TUSC3: variants seen among roughly 807,000 people sequenced by gnomAD.
TUSC3 encodes the protein tumor suppressor candidate 3.
In TUSC3, 45 loss-of-function variants were observed where a neutral mutation model predicts 44.8. The observed-to-expected ratio is 1.00, with a 90% confidence interval of 0.79 to 1.29. The LOEUF (loss-of-function observed/expected upper bound fraction) is 1.29. Among genes scored for constraint, TUSC3 ranks in the 50% most tolerant of loss-of-function variants. TUSC3 has a pLI of 0.00. For synonymous variants in TUSC3, 212 were observed against 152.9 expected (o/e 1.39, Z -2.85); for missense variants, 519 against 437.9 (o/e 1.19, Z -1.65).
intron 3 of TUSC3, among the ~76,000 whole-genome samples, chr8:15,657,852 T>C (rs537377403): frequency 1.3e-5 from 2 of 152,298 alleles, no homozygotes; most frequent in African/African-American, 2.4e-5. Flanking sequence ...TGAACAGATA[T>C]TTGTTTCCCA....
At chr8:15,621,449 C>G (rs1192893703) in intron 1 of TUSC3, among the ~76,000 whole-genome samples, 3 of 149,324 alleles carry the variant, frequency 2.0e-5, no homozygotes, top group Non-Finnish European at 4.4e-5. Context: ...GATAAGTTAT[C>G]ATTTTCAGTT....
chr8:15,428,432 G>T (rs1413508573), intron 1 of TUSC3, among the ~76,000 whole-genome samples: 1 of 151,488 alleles, frequency 6.6e-6, no homozygotes, highest in Non-Finnish European at 1.5e-5. Flanking sequence ...ATAAACATAC[G>T]TGTGCATGTG....
chr8:15,582,508 A>G (rs116385155), intron 1 of TUSC3, among the ~76,000 whole-genome samples: 2,851 of 152,348 alleles, frequency 0.019, 73 homozygotes, highest in African/African-American at 0.063. Context: ...ATTTATGTTT[A>G]TATTTTAAAT....
chr8:15,540,392 C>G lies in TUSC3; in HGVS notation c.-39C>G, dbSNP rs971267940. The G allele has an allele frequency of 6.6e-7, 1 of 1,520,372 alleles. No homozygotes were observed. The highest frequency in any genetic ancestry group is 8.8e-7 in the Non-Finnish European group (1 of 1,133,124). The allele number at this position is 1,520,372 out of a possible 1,614,324, so 94.2% of individuals were successfully genotyped here. On this transcript the variant is annotated 5_prime_UTR_variant, in exon 1 of 11. Transcript: ENST00000503731. ...TGGTGCGCGGTAGGAGCTGGGCGCG[C>G]ACGGCTACCGCGCGTGGAGGAGACA...
At chr8:15,618,778 C>G (rs552116664) in intron 1 of TUSC3, among the ~76,000 whole-genome samples, 1 of 152,316 alleles carries the variant, frequency 6.6e-6, no homozygotes, top group South Asian at 2.1e-4. Flanking sequence ...TTTCATATGT[C>G]TGGCAGCCAG....
At chr8:15,606,429 G>A (rs1804529709) in intron 1 of TUSC3, among the ~76,000 whole-genome samples, 1 of 151,930 alleles carries the variant, frequency 6.6e-6, no homozygotes, top group Admixed American at 6.6e-5. Flanking sequence ...CAATTTTTGG[G>A]GAGTGAACAC....
chr8:15,729,397 A>C (rs562374011), intron 6 of TUSC3, among the ~76,000 whole-genome samples: 1 of 152,166 alleles, frequency 6.6e-6, no homozygotes, highest in Non-Finnish European at 1.5e-5. Context: ...AATCTTGAAC[A>C]AGTTAGGTAA....
intron 1 of TUSC3, among the ~76,000 whole-genome samples, chr8:15,573,198 C>CTATATATATA (rs1260702049): frequency 1.7e-4 from 17 of 101,522 alleles, no homozygotes; most frequent in South Asian, 3.4e-4. Context: ...CTCTCTCTCT[C>CTATATATATA]TCTCTATATA....
chr8:15,668,751 C>T (rs1303162244), intron 5 of TUSC3, among the ~76,000 whole-genome samples: 2 of 151,730 alleles, frequency 1.3e-5, no homozygotes, highest in Admixed American at 6.6e-5. Flanking sequence ...TTTATTCTTA[C>T]TCTTTTCAGG....
At chr8:15,528,547 A>G (rs1401407269) in intron 2 of TUSC3, among the ~76,000 whole-genome samples, 1 of 152,198 alleles carries the variant, frequency 6.6e-6, no homozygotes, top group Non-Finnish European at 1.5e-5. Context: ...ATATCTGTCC[A>G]AGTTCACACA....
intron 5 of TUSC3, among the ~76,000 whole-genome samples, chr8:15,671,275 A>C (rs917189361): frequency 2.0e-5 from 3 of 152,004 alleles, no homozygotes; most frequent in African/African-American, 4.8e-5. Flanking sequence ...TGTGAAAATT[A>C]ATCTAGCTGT....
chr8:15,602,552 A>C (rs1172792925), intron 1 of TUSC3, among the ~76,000 whole-genome samples: 1 of 151,592 alleles, frequency 6.6e-6, no homozygotes, highest in Admixed American at 6.6e-5. Context: ...TGGGGTTTGC[A>C]GTCAGACAGG....
chr8:15,694,665 G>A (rs1368947992), intron 6 of TUSC3, among the ~76,000 whole-genome samples: 3 of 152,062 alleles, frequency 2.0e-5, no homozygotes, highest in African/African-American at 7.2e-5. Context: ...GGTGGGCATG[G>A]TTGACTGGCT....
chr8:15,776,607 CTTCTGTGCT>C, the TUSC3 span, among the ~76,000 whole-genome samples: 1 of 152,106 alleles, frequency 6.6e-6, no homozygotes, highest in Non-Finnish European at 1.5e-5. Context: ...AAATCTAGCA[CTTCTGTGCT>C]AGATCCTCGA....
chr8:15,541,253 T>C (rs545800850), intron 1 of TUSC3, among the ~76,000 whole-genome samples: 61 of 152,360 alleles, frequency 4.0e-4, no homozygotes, highest in African/African-American at 1.4e-3. Flanking sequence ...CCATTAACTT[T>C]GAAAAGGTTG....
chr8:15,511,358 T>C (rs1017945795), intron 2 of TUSC3, among the ~76,000 whole-genome samples: 1 of 152,130 alleles, frequency 6.6e-6, no homozygotes, highest in African/African-American at 2.4e-5. Flanking sequence ...TGGTAGATGA[T>C]ATGATTATGC....
At chr8:15,608,444 C>G (rs987944026) in intron 1 of TUSC3, among the ~76,000 whole-genome samples, 3 of 152,230 alleles carry the variant, frequency 2.0e-5, no homozygotes, top group South Asian at 4.1e-4. Context: ...AATCTTATCT[C>G]TAATATTACT....
At chr8:15,518,376 T>G (rs556620573) in intron 2 of TUSC3, among the ~76,000 whole-genome samples, 2 of 152,250 alleles carry the variant, frequency 1.3e-5, no homozygotes, top group South Asian at 4.1e-4. Context: ...GGAAAAAAGT[T>G]GAATATTAAA....
chr8:15,638,515 CTTTTTTTTTTTTTTTT>C (rs547743726), intron 2 of TUSC3, among the ~76,000 whole-genome samples: 14 of 81,104 alleles, frequency 1.7e-4, no homozygotes, highest in African/African-American at 5.6e-4. Flanking sequence ...TTCTTTTTTT[CTTTTTTTTTTTTTTTT>C]TTTTTTTTGG....
Sources: gnomAD v4.1 joint callset for allele counts (sites outside exome capture counted in the v4.1 genomes callset) on GRCh38, gnomAD v4.1.1 for gene constraint, MANE v1.5 for transcripts, NCBI Gene and HGNC (gene_info 2026-07-23, HGNC 2026-07-21) for gene names.